The following CPSF4L variants were observed in gnomAD, a reference collection of about 807,000 sequenced individuals.
CPSF4L encodes the protein putative cleavage and polyadenylation specificity factor subunit 4-like protein.
A neutral mutation model predicts 24.0 loss-of-function variants in CPSF4L; 18 were observed. The ratio of observed to expected loss-of-function variants is 0.75; its 90% confidence interval spans 0.52 to 1.11. CPSF4L has a LOEUF of 1.11. Ranked by LOEUF, CPSF4L falls within the 50% of genes least tolerant of loss-of-function variation. The pLI, the probability that CPSF4L is intolerant of heterozygous loss-of-function variation, is 0.00. For synonymous variants in CPSF4L, 72 were observed against 77.2 expected (o/e 0.93, Z 0.35); for missense variants, 211 against 221.8 (o/e 0.95, Z 0.31).
intron 2 of CPSF4L, among the ~76,000 whole-genome samples, chr17:73,258,687 T>A (rs990293363): frequency 9.2e-5 from 14 of 152,096 alleles, no homozygotes; most frequent in Admixed American, 7.2e-4. Flanking sequence ...CATGCCCTTC[T>A]CCAGGGAAGT....
At chr17:73,255,876 C>T (rs187549652) in intron 3 of CPSF4L, among the ~76,000 whole-genome samples, 2 of 152,300 alleles carry the variant, frequency 1.3e-5, no homozygotes, top group Admixed American at 1.3e-4. Flanking sequence ...GCAGCAGCAC[C>T]TCAGCCTTCA....
In CPSF4L at chr17:73,250,023, T is replaced by C. The variant is rs1599409869; in HGVS notation, c.498-1487A>G. 4 of 447,852 alleles carry C rather than the reference T, an allele frequency of 8.9e-6. No homozygotes were observed. In the East Asian group the frequency reaches 1.5e-4, roughly 16 times the overall value. 27.7% of individuals were successfully genotyped at this position (447,852 alleles called of 1,614,324 possible). ...GGTTTTATGTACATTTTGCTCCCGT[T>C]TTATGGATAACTCGTTCCTGCCAAT... On this transcript the variant is annotated intron_variant, in intron 5 of 5. Coordinates refer to ENST00000344935, the MANE Select transcript of CPSF4L (RefSeq NM_001129885.1).
chr17:73,261,877 T>G lies in CPSF4L; in HGVS notation c.-59A>C. Reference sequence around the variant, plus strand: ...GGAACCCAGGCAGGTGGGCCCAATATAGCTCATCAGAGGCCCTTAAGGGGC... The same window carrying G: ...GGAACCCAGGCAGGTGGGCCCAATAGAGCTCATCAGAGGCCCTTAAGGGGC... On this transcript the variant is annotated 5_prime_UTR_variant, in exon 1 of 6. Transcript: ENST00000344935. 7.6e-7 allele frequency: 1 copy of G among 1,322,152 alleles called. No individual in the cohort carries two copies. The highest frequency in any genetic ancestry group is 2.5e-5 in the East Asian group (1 of 39,666). 81.9% of individuals were successfully genotyped at this position (1,322,152 alleles called of 1,614,324 possible). A position where few individuals can be genotyped will look rare whatever the true frequency, so the allele number is the denominator to read the frequency against.
downstream of CPSF4L, chr17:73,247,231 GC>G (rs748630058): frequency 2.5e-6 from 4 of 1,611,516 alleles, no homozygotes; most frequent in Non-Finnish European, 3.4e-6. Context: ...TTACTATCTG[GC>G]CTTTACAGAA....
the CPSF4L span, chr17:73,242,194 G>C: frequency 8.0e-7 from 1 of 1,245,790 alleles, no homozygotes. Flanking sequence ...TGTTAGGGAA[G>C]GGGGTACGTT....
downstream of CPSF4L, among the ~76,000 whole-genome samples, chr17:73,246,407 A>T (rs563107442): frequency 3.9e-5 from 6 of 152,298 alleles, no homozygotes; most frequent in East Asian, 1.2e-3. Flanking sequence ...TCAGTGGCAC[A>T]CGCCTGTAGT....
downstream of CPSF4L, chr17:73,247,115 C>A: frequency 1.3e-6 from 1 of 789,534 alleles, no homozygotes; most frequent in Non-Finnish European, 2.0e-6. Context: ...TGTACAAAAA[C>A]AAGCCCTGCT....
chr17:73,263,678 G>C (rs901963936), upstream of CPSF4L, among the ~76,000 whole-genome samples: 2 of 151,390 alleles, frequency 1.3e-5, no homozygotes, highest in Non-Finnish European at 2.9e-5. Context: ...GGCCAGCTTT[G>C]GGGGGAAGTG....
chr17:73,262,567 A>G (rs549507811), upstream of CPSF4L, among the ~76,000 whole-genome samples: 258 of 152,354 alleles, frequency 1.7e-3, 1 homozygote, highest in African/African-American at 5.9e-3. Flanking sequence ...CACCCCTGAG[A>G]AAGTGCTTTA....
chr17:73,242,420 CTG>C, the CPSF4L span: 5 of 1,096,172 alleles, frequency 4.6e-6, no homozygotes, highest in South Asian at 7.8e-5. Flanking sequence ...TCTCTTCGGG[CTG>C]TTAAGCAAGG....
At chr17:73,248,635 A>G in intron 5 of CPSF4L, 99 bp from the exon 6 acceptor site, 1 of 1,229,080 alleles carries the variant, frequency 8.1e-7, no homozygotes, top group Non-Finnish European at 1.2e-6. Flanking sequence ...CACCCAGGCT[A>G]CTGTCCATGC....
chr17:73,253,004 G>A (rs2062011535), intron 4 of CPSF4L, among the ~76,000 whole-genome samples: 1 of 141,798 alleles, frequency 7.1e-6, no homozygotes, highest in Non-Finnish European at 1.6e-5. Flanking sequence ...CTGGAGGACT[G>A]CATGGATATG....
chr17:73,263,297 T>C (rs934576280), upstream of CPSF4L, among the ~76,000 whole-genome samples: 1 of 152,108 alleles, frequency 6.6e-6, no homozygotes, highest in Admixed American at 6.5e-5. Context: ...GGGGTTCACA[T>C]CTAGGTCTCT....
At chr17:73,250,386 G>C in intron 5 of CPSF4L, 4 of 1,487,180 alleles carry the variant, frequency 2.7e-6, no homozygotes, top group Non-Finnish European at 3.7e-6. Context: ...GAGATGGTTA[G>C]CTACCTTTGT....
At chr17:73,244,132 C>T (rs553874152), downstream of CPSF4L, among the ~76,000 whole-genome samples, 1 of 152,262 alleles carries the variant, frequency 6.6e-6, no homozygotes, top group Non-Finnish European at 1.5e-5. Context: ...TTTCATTTAT[C>T]TTAATTCAAG....
chr17:73,252,626 T>C lies in CPSF4L; in HGVS notation c.497+4A>G. 1 of 1,537,804 alleles carries C rather than the reference T, an allele frequency of 6.5e-7. No homozygotes were observed. Among genetic ancestry groups the C allele is most frequent in the Non-Finnish European group, 8.8e-7 (1 of 1,134,296 alleles). On this transcript the variant is annotated splice_donor_region_variant and intron_variant, in intron 5 of 5. Coordinates refer to ENST00000344935, the MANE Select transcript of CPSF4L (RefSeq NM_001129885.1). ...GGAGTTGGTAACTGAGGGATCATAC[T>C]TACTGAGCAAATTGGCACTTGGGTC...
chr17:73,261,723 G>A lies in CPSF4L; in HGVS notation c.96C>T (p.Gly32=). Residue 32 remains glycine, a synonymous_variant, in exon 1 of 6, where the codon GGC becomes GGT. Transcript: ENST00000344935. ...GGCCCCACCCTCACTCACTGTCCAT[G>A]CCCTGGAAAGGCAGGAGCCCAGTGC... ...QKGTGLLPFQ[G]MDKSASAVCN... 1.3e-6 allele frequency: 2 copies of A among 1,548,906 alleles called. No homozygotes were observed. The highest frequency in any genetic ancestry group is 2.4e-5 in the South Asian group (2 of 84,026).
chr17:73,243,077 ATTTTTTTTT>A, the CPSF4L span: 34 of 437,852 alleles, frequency 7.8e-5, no homozygotes, highest in East Asian at 8.9e-4. Context: ...GATTCTCTGA[ATTTTTTTTT>A]TTTTTTTTTT....
At chr17:73,245,165 A>C (rs776820689), downstream of CPSF4L, 4 of 1,613,538 alleles carry the variant, frequency 2.5e-6, no homozygotes, top group South Asian at 4.4e-5. Context: ...TGTTTATCCA[A>C]AGAGCTGCAG....
Sources: gnomAD v4.1 joint callset for allele counts (sites outside exome capture counted in the v4.1 genomes callset) on GRCh38, gnomAD v4.1.1 for gene constraint, MANE v1.5 for transcripts, NCBI Gene and HGNC (gene_info 2026-07-23, HGNC 2026-07-21) for gene names.